RARB: variants seen among roughly 807,000 people sequenced by gnomAD.
RARB encodes HBV-activated protein.
A neutral mutation model predicts 51.9 loss-of-function variants in RARB; 17 were observed. The observed-to-expected ratio is 0.33, with a 90% CI of 0.22 to 0.49. RARB has a LOEUF of 0.49. Among genes scored for constraint, RARB ranks in the 20% least tolerant of loss-of-function variants. The pLI, the probability that RARB is intolerant of heterozygous loss-of-function variation, is 0.99. For missense variants in RARB, 369 were observed against 550.8 expected (o/e 0.67, Z 3.30); for synonymous variants, 215 against 195.4 (o/e 1.10, Z -0.84).
At chr3:25,021,250 A>C (rs1441783705) in intron 2 of RARB, among the ~76,000 whole-genome samples, 1 of 152,212 alleles carries the variant, frequency 6.6e-6, no homozygotes, top group East Asian at 1.9e-4. Flanking sequence ...CTAAATATGT[A>C]TGTAAGCATT....
intron 3 of RARB, among the ~76,000 whole-genome samples, chr3:25,101,749 T>C (rs144363334): frequency 6.6e-6 from 1 of 152,258 alleles, no homozygotes; most frequent in East Asian, 1.9e-4. Context: ...AAAATGTGTT[T>C]ACTTTTTGAA....
intron 2 of RARB, among the ~76,000 whole-genome samples, chr3:24,964,655 C>A (rs1476206016): frequency 6.6e-6 from 1 of 152,110 alleles, no homozygotes; most frequent in Non-Finnish European, 1.5e-5. Flanking sequence ...AGTTGGTACC[C>A]ATAAGCCAGT....
intron 5 of RARB, among the ~76,000 whole-genome samples, chr3:25,346,328 T>G (rs577941372): frequency 6.6e-6 from 1 of 152,302 alleles, no homozygotes; most frequent in East Asian, 1.9e-4. Context: ...CCTGACTTAT[T>G]TTTAATAACC....
intron 5 of RARB, among the ~76,000 whole-genome samples, chr3:25,180,875 G>T (rs1221021547): frequency 6.6e-6 from 1 of 152,116 alleles, no homozygotes; most frequent in Non-Finnish European, 1.5e-5. Flanking sequence ...ATGGTCAGGT[G>T]GTACCATCAA....
chr3:25,058,553 A>G (rs1463416981), intron 2 of RARB, among the ~76,000 whole-genome samples: 3 of 151,908 alleles, frequency 2.0e-5, no homozygotes, highest in African/African-American at 4.8e-5. Flanking sequence ...GTAAAAAGCA[A>G]ATAAGTACAG....
intron 5 of RARB, among the ~76,000 whole-genome samples, chr3:25,204,384 C>T (rs1374113715): frequency 2.6e-5 from 4 of 152,184 alleles, no homozygotes; most frequent in Non-Finnish European, 5.9e-5. Context: ...CTTCCTTTAG[C>T]TCGGAGAAGT....
intron 3 of RARB, among the ~76,000 whole-genome samples, chr3:25,080,570 T>C (rs1268399332): frequency 6.6e-6 from 1 of 152,214 alleles, no homozygotes; most frequent in African/African-American, 2.4e-5. Context: ...CATATCCTTG[T>C]CAGCACTTAT....
intron 2 of RARB, among the ~76,000 whole-genome samples, chr3:24,859,919 T>C (rs1702714994): frequency 6.6e-6 from 1 of 152,186 alleles, no homozygotes; most frequent in Admixed American, 6.5e-5. Context: ...TGTTGTAAAA[T>C]ATATTTTCCT....
chr3:25,403,160 C>CA (rs532977113), intron 5 of RARB, among the ~76,000 whole-genome samples: 1,353 of 86,254 alleles, frequency 0.016, 18 homozygotes, highest in African/African-American at 0.025. Flanking sequence ...GACTGCATCT[C>CA]AAAAAAAAAA....
At chr3:25,425,694 C>T (rs1024114191), upstream of RARB, among the ~76,000 whole-genome samples, 3 of 152,158 alleles carry the variant, frequency 2.0e-5, no homozygotes, top group East Asian at 1.9e-4. Context: ...CAGAGAGAGA[C>T]ACACTAATGT....
At position 25,428,653 on chromosome 3, in the gene RARB, T is replaced by C. The variant is rs1211428963; in HGVS notation, c.-79T>C. 7.3e-6 allele frequency: 11 copies of C among 1,496,764 alleles called. No homozygotes were observed. Among genetic ancestry groups the C allele is most frequent in the Non-Finnish European group, 9.9e-6 (11 of 1,110,580 alleles). The allele number at this position is 1,496,764 out of a possible 1,614,324, so 92.7% of individuals were successfully genotyped here. A position where few individuals can be genotyped will look rare whatever the true frequency, so the allele number is the denominator to read the frequency against. On this transcript the variant is annotated 5_prime_UTR_variant, in exon 1 of 8. Transcript: ENST00000330688. ...AAAAAAGGGGCAGAGTTTGATGGAG[T>C]TGGGTGGACTTTTCTATGCCATTTG...
At chr3:25,165,538 C>G (rs927902546) in intron 4 of RARB, among the ~76,000 whole-genome samples, 17 of 152,148 alleles carry the variant, frequency 1.1e-4, no homozygotes, top group African/African-American at 4.1e-4. Flanking sequence ...CCTTGAGAAC[C>G]AAATCCTAGG....
chr3:25,018,779 T>C (rs1040047586), intron 2 of RARB, among the ~76,000 whole-genome samples: 15 of 152,328 alleles, frequency 9.8e-5, no homozygotes, highest in Middle Eastern at 3.4e-3. Flanking sequence ...TAAAATTGTA[T>C]CATTCCATCC....
chr3:24,875,311 C>T (rs1226806983), intron 2 of RARB, among the ~76,000 whole-genome samples: 1 of 152,106 alleles, frequency 6.6e-6, no homozygotes, highest in Non-Finnish European at 1.5e-5. Context: ...ACTTGTAAGC[C>T]TGGCTTAGGC....
intron 5 of RARB, among the ~76,000 whole-genome samples, chr3:25,341,620 G>T (rs1705230201): frequency 6.6e-6 from 1 of 152,208 alleles, no homozygotes; most frequent in Admixed American, 6.5e-5. Context: ...ATTTAAATCA[G>T]TAGTTCTCAA....
chr3:25,339,906 G>A (rs77027859), intron 5 of RARB, among the ~76,000 whole-genome samples: 1 of 152,120 alleles, frequency 6.6e-6, no homozygotes, highest in Non-Finnish European at 1.5e-5. Flanking sequence ...TCTGGCTGCA[G>A]TTTTTATATT....
In RARB at chr3:25,585,644, CA is replaced by C. The variant is rs1437560308; in HGVS notation, c.786+4924del. On this transcript the variant is annotated intron_variant, in intron 5 of 7. Transcript: ENST00000330688. ...ATGCCACAGTGATGCGTGGGTGGTG[CA>C]ACCAGGCCACTCAGCAGAAGCAGCG... Among the ~76,000 whole-genome samples, 3 of 152,332 alleles carry C rather than the reference CA, an allele frequency of 2.0e-5. No individual in the cohort carries two copies. In the East Asian group the frequency reaches 5.8e-4, roughly 29 times the overall value.
intron 2 of RARB, among the ~76,000 whole-genome samples, chr3:25,040,462 G>A (rs1253644222): frequency 1.3e-5 from 2 of 152,196 alleles, no homozygotes; most frequent in East Asian, 1.9e-4. Context: ...GCCAGGCACA[G>A]TGGGTTACAC....
At position 25,385,880 on chromosome 3, in the gene RARB, ACT is replaced by A. The variant is rs1575361670; in HGVS notation, c.179-75309_179-75308del. ...CGTGACCTAAGAAGGAGCAATCAGA[ACT>A]CTCACAGATACACCGTGATCAGTGC... On this transcript the variant is annotated intron_variant, in intron 5 of 11. Coordinates refer to the RARB transcript ENST00000383772. 2.0e-5 allele frequency among the ~76,000 whole-genome samples: 3 copies of A among 151,874 alleles called. No homozygotes were observed. In the East Asian group the frequency reaches 5.8e-4, roughly 29 times the overall value.
Sources: allele counts gnomAD v4.1 joint callset (sites outside exome capture counted in the v4.1 genomes callset), GRCh38; gene constraint gnomAD v4.1.1; transcripts MANE v1.5; gene names NCBI Gene and HGNC (gene_info 2026-07-23, HGNC 2026-07-21).